Variants in CCSER1 observed in about 807,000 individuals in gnomAD.
The protein encoded by CCSER1 is coiled-coil serine rich protein 1, also known as serine-rich coiled-coil domain-containing protein 1.
Under a neutral mutation model 82.0 loss-of-function variants are expected in CCSER1, and 41 were observed. The observed-to-expected ratio is 0.50, with a 90% CI of 0.39 to 0.65. The LOEUF (loss-of-function observed/expected upper bound fraction) is 0.65. Ranked by LOEUF, CCSER1 falls within the 30% of genes least tolerant of loss-of-function variation. CCSER1 has a pLI of 0.00. For missense variants in CCSER1, 1,119 were observed against 1,064.2 expected (o/e 1.05, Z -0.72); for synonymous variants, 414 against 383.9 (o/e 1.08, Z -0.92).
intron 6 of CCSER1, among the ~76,000 whole-genome samples, chr4:90,691,229 A>T (rs971011515): frequency 6.6e-6 from 1 of 152,098 alleles, no homozygotes. Context: ...GGGTTTATAC[A>T]TACAAACATA....
At chr4:91,111,994 T>C (rs572440889) in intron 10 of CCSER1, among the ~76,000 whole-genome samples, 76 of 152,178 alleles carry the variant, frequency 5.0e-4, no homozygotes, top group Non-Finnish European at 8.7e-4. Flanking sequence ...TTTTATGTTA[T>C]GAAAGGACAT....
Position 91,045,597 on chromosome 4 carries a change from A to C in CCSER1, c.2173-40353A>C, listed in dbSNP as rs1742381897. Among the ~76,000 whole-genome samples, 3 of 152,232 alleles carry C rather than the reference A, an allele frequency of 2.0e-5. No homozygotes were observed. In the South Asian group the frequency reaches 6.2e-4, roughly 31 times the overall value. ...AAATAAAAACAGATAAAACATTATT[A>C]TTATGGAAATATTTGGTGTATCTCT... is the stretch of plus-strand genomic sequence containing the variant. On this transcript the variant is annotated intron_variant, in intron 9 of 10. Coordinates refer to ENST00000509176, the MANE Select transcript of CCSER1 (RefSeq NM_001145065.2).
rs757124228 is a variant in CCSER1 at position 91,326,535 on chromosome 4, G to A, written c.2217+240541G>A. ...TAACAATTCATCATGTGATTTGCGT[G>A]GGAACACAGAACCAAATCATATTAT... On this transcript the variant is annotated intron_variant, in intron 10 of 10. Transcript: ENST00000509176. Among the ~76,000 whole-genome samples, 15 of 152,250 alleles carry A rather than the reference G, an allele frequency of 9.9e-5. No homozygotes were observed. The South Asian group carries it at 1.0e-3, about 11-fold the overall frequency.
At chr4:90,768,866 G>T (rs1379135131) in intron 7 of CCSER1, among the ~76,000 whole-genome samples, 1 of 152,158 alleles carries the variant, frequency 6.6e-6, no homozygotes, top group Non-Finnish European at 1.5e-5. Context: ...ATAAATTAAA[G>T]GAAGGATTGT....
At chr4:90,139,959 C>T (rs917978030) in intron 1 of CCSER1, among the ~76,000 whole-genome samples, 8 of 151,492 alleles carry the variant, frequency 5.3e-5, no homozygotes, top group Non-Finnish European at 8.8e-5. Flanking sequence ...GACTCCATCT[C>T]AAAAGTAAAG....
intron 10 of CCSER1, among the ~76,000 whole-genome samples, chr4:91,254,106 A>G (rs73836899): frequency 0.042 from 6,345 of 152,268 alleles, 197 homozygotes; most frequent in African/African-American, 0.085. Flanking sequence ...ACAGAATTTA[A>G]GGGAGAAATA....
chr4:91,303,568 T>C (rs769481315), intron 10 of CCSER1, among the ~76,000 whole-genome samples: 25 of 151,994 alleles, frequency 1.6e-4, no homozygotes, highest in Middle Eastern at 3.4e-3. Context: ...GGAGGATCAC[T>C]TGAGTCCAGG....
chr4:90,240,360 C>A (rs1746611758), intron 1 of CCSER1, among the ~76,000 whole-genome samples: 1 of 152,098 alleles, frequency 6.6e-6, no homozygotes, highest in Non-Finnish European at 1.5e-5. Context: ...TGGAGAAGGC[C>A]TTGGGAAGAT....
chr4:91,226,986 G>T (rs540296419), intron 10 of CCSER1, among the ~76,000 whole-genome samples: 58 of 151,894 alleles, frequency 3.8e-4, no homozygotes, highest in African/African-American at 1.3e-3. Flanking sequence ...AGGATTACAT[G>T]AATTGATCCA....
At chr4:91,126,184 G>A (rs1350101819) in intron 10 of CCSER1, among the ~76,000 whole-genome samples, 2 of 151,742 alleles carry the variant, frequency 1.3e-5, no homozygotes, top group Non-Finnish European at 2.9e-5. Context: ...ATAAGTTTAG[G>A]AAATGCATAA....
intron 9 of CCSER1, among the ~76,000 whole-genome samples, chr4:90,948,882 A>AGGC (rs1198398849): frequency 2.8e-4 from 43 of 151,202 alleles, no homozygotes; most frequent in Non-Finnish European, 5.5e-4. Context: ...GCTATGAACC[A>AGGC]TATAATACCA....
chr4:91,144,910 T>A (rs906819459), intron 10 of CCSER1, among the ~76,000 whole-genome samples: 71 of 152,088 alleles, frequency 4.7e-4, no homozygotes, highest in Non-Finnish European at 1.9e-4. Flanking sequence ...GTATGTACTG[T>A]GTGCAGATGA....
intron 8 of CCSER1, among the ~76,000 whole-genome samples, 163 bp from the exon 9 acceptor site, chr4:90,923,207 G>A (rs72882843): frequency 0.012 from 1,813 of 152,140 alleles, 31 homozygotes; most frequent in African/African-American, 0.04. Flanking sequence ...AAAAATTAAA[G>A]CTCTAAATAT....
At chr4:90,192,279 A>T (rs1735784186) in intron 1 of CCSER1, among the ~76,000 whole-genome samples, 1 of 151,986 alleles carries the variant, frequency 6.6e-6, no homozygotes, top group Non-Finnish European at 1.5e-5. Flanking sequence ...TGAGAACAGC[A>T]TGGGAAAGAC....
At chr4:91,553,334 A>G (rs1040535626) in intron 10 of CCSER1, among the ~76,000 whole-genome samples, 4 of 151,478 alleles carry the variant, frequency 2.6e-5, no homozygotes, top group African/African-American at 9.7e-5. Context: ...ATCTATGTTC[A>G]TCAAGGTTAT....
At chr4:91,282,158 A>C (rs1373644345) in intron 10 of CCSER1, among the ~76,000 whole-genome samples, 1 of 152,122 alleles carries the variant, frequency 6.6e-6, no homozygotes, top group Non-Finnish European at 1.5e-5. Context: ...AAATAAACCT[A>C]TGTGTGCATA....
At chr4:90,404,295 C>T (rs558467980) in intron 4 of CCSER1, among the ~76,000 whole-genome samples, 1 of 152,196 alleles carries the variant, frequency 6.6e-6, no homozygotes, top group East Asian at 1.9e-4. Flanking sequence ...CCATTCCCCA[C>T]AAAAGTCACA....
chr4:90,354,798 A>AT (rs59482807), intron 3 of CCSER1, among the ~76,000 whole-genome samples: 48,501 of 151,170 alleles, frequency 0.32, 8,059 homozygotes, highest in East Asian at 0.62. Context: ...ATAACTTCTG[A>AT]TTTTTTTTTC....
At chr4:91,531,528 A>G (rs571387673) in intron 10 of CCSER1, among the ~76,000 whole-genome samples, 8 of 152,338 alleles carry the variant, frequency 5.3e-5, no homozygotes, top group Admixed American at 2.6e-4. Context: ...ATTCAATGAA[A>G]AGGGAAAGTG....
Sources: gnomAD v4.1 joint callset for allele counts (sites outside exome capture counted in the v4.1 genomes callset) on GRCh38, gnomAD v4.1.1 for gene constraint, MANE v1.5 for transcripts, NCBI Gene and HGNC (gene_info 2026-07-23, HGNC 2026-07-21) for gene names.